The following SAMD3 variants were observed in gnomAD, a reference collection of about 807,000 sequenced individuals.
SAMD3 encodes the protein sterile alpha motif domain-containing protein 3.
A neutral mutation model predicts 58.5 loss-of-function variants in SAMD3; 63 were observed. That is an observed-to-expected ratio of 1.08 (90% CI 0.88 to 1.33). SAMD3 has a LOEUF of 1.33. Ranked by LOEUF, SAMD3 falls within the 40% of genes most tolerant of loss-of-function variation. The probability of loss-of-function intolerance (pLI) is 0.00; values close to 1 mark genes in which losing one functional copy is unlikely to be tolerated. For synonymous variants in SAMD3, 220 were observed against 210.3 expected (o/e 1.05, Z -0.40); for missense variants, 604 against 608.4 (o/e 0.99, Z 0.08).
At chr6:130,210,175 A>C (rs137969281) in intron 4 of SAMD3, among the ~76,000 whole-genome samples, 222 of 152,328 alleles carry the variant, frequency 1.5e-3, no homozygotes, top group African/African-American at 5.1e-3. Flanking sequence ...ATTTTCTACC[A>C]GTTTCAACAA....
At chr6:130,174,633 A>G (rs1315760969) in intron 8 of SAMD3, among the ~76,000 whole-genome samples, 2 of 152,228 alleles carry the variant, frequency 1.3e-5, no homozygotes, top group Non-Finnish European at 2.9e-5. Flanking sequence ...CCTCTCACAA[A>G]GTGATTTTTA....
At chr6:130,215,772 T>G in intron 2 of SAMD3, 1 of 1,520,922 alleles carries the variant, frequency 6.6e-7, no homozygotes, top group Non-Finnish European at 8.8e-7. Context: ...AGTAAACTGG[T>G]TAACCCCTTA....
upstream of SAMD3, chr6:130,365,493 C>A (rs912692341): frequency 3.0e-6 from 3 of 985,410 alleles, no homozygotes; most frequent in Non-Finnish European, 3.6e-6. Context: ...GCCCGCCGGG[C>A]GGCATCTGAG....
chr6:130,338,369 A>G (rs1466434086), intron 1 of SAMD3, among the ~76,000 whole-genome samples: 1 of 152,250 alleles, frequency 6.6e-6, no homozygotes, highest in Non-Finnish European at 1.5e-5. Flanking sequence ...TCACAGAGAA[A>G]TTCTGCTAGG....
intron 5 of SAMD3, among the ~76,000 whole-genome samples, chr6:130,193,303 G>A (rs553804372): frequency 6.6e-6 from 1 of 151,848 alleles, no homozygotes; most frequent in South Asian, 2.1e-4. Context: ...CCACTTTTCT[G>A]GGGGAGGGGC....
At chr6:130,152,549 C>T (rs1260903751) in intron 9 of SAMD3, among the ~76,000 whole-genome samples, 1 of 151,998 alleles carries the variant, frequency 6.6e-6, no homozygotes, top group Non-Finnish European at 1.5e-5. Context: ...TGGTGGCGTG[C>T]ATCCGTAGTC....
At chr6:130,305,316 T>C (rs753620383) in intron 2 of SAMD3, among the ~76,000 whole-genome samples, 1 of 152,320 alleles carries the variant, frequency 6.6e-6, no homozygotes, top group Non-Finnish European at 1.5e-5. Context: ...TTTTTCTATA[T>C]ATTCTGTGGG....
intron 9 of SAMD3, among the ~76,000 whole-genome samples, chr6:130,148,408 C>G (rs1788837979): frequency 6.6e-6 from 1 of 152,218 alleles, no homozygotes; most frequent in Non-Finnish European, 1.5e-5. Flanking sequence ...TTGGCATGTC[C>G]TTATTAGTGT....
chr6:130,248,476 G>A (rs957538241), intron 2 of SAMD3, among the ~76,000 whole-genome samples: 1 of 152,096 alleles, frequency 6.6e-6, no homozygotes, highest in Non-Finnish European at 1.5e-5. Flanking sequence ...CCCTAGAGGA[G>A]TCACCCTACT....
chr6:130,202,172 G>C (rs1215411675), intron 5 of SAMD3, among the ~76,000 whole-genome samples: 1 of 152,146 alleles, frequency 6.6e-6, no homozygotes, highest in Non-Finnish European at 1.5e-5. Flanking sequence ...TTTGGCTCTA[G>C]CTCAAAGCCA....
chr6:130,329,052 C>G (rs1468379840), intron 1 of SAMD3, among the ~76,000 whole-genome samples: 1 of 151,526 alleles, frequency 6.6e-6, no homozygotes, highest in Non-Finnish European at 1.5e-5. Context: ...CCCTCTCTCT[C>G]TCTCTCTCTC....
At chr6:130,360,520 G>T (rs138338866) in intron 1 of SAMD3, among the ~76,000 whole-genome samples, 1 of 152,198 alleles carries the variant, frequency 6.6e-6, no homozygotes, top group African/African-American at 2.4e-5. Context: ...ATAGGGTGTG[G>T]GTCACAAAGA....
At chr6:130,214,289 T>G in intron 4 of SAMD3, 48 bp downstream of exon 4, 1 of 1,450,678 alleles carries the variant, frequency 6.9e-7, no homozygotes, top group Non-Finnish European at 9.2e-7. Flanking sequence ...TAGCCATCAT[T>G]GGGAAAGCTT....
intron 5 of SAMD3, among the ~76,000 whole-genome samples, chr6:130,194,685 A>C (rs1237132587): frequency 2.0e-5 from 3 of 152,310 alleles, no homozygotes; most frequent in South Asian, 2.1e-4. Context: ...GCCGCGTCCC[A>C]TCTGTGCAGG....
chr6:130,200,836 T>C (rs543133237), intron 5 of SAMD3, among the ~76,000 whole-genome samples: 1 of 152,284 alleles, frequency 6.6e-6, no homozygotes, highest in East Asian at 1.9e-4. Flanking sequence ...AATGTTAATA[T>C]GGAAAAGAGT....
At chr6:130,200,261 T>G (rs950834023) in intron 5 of SAMD3, among the ~76,000 whole-genome samples, 1 of 151,866 alleles carries the variant, frequency 6.6e-6, no homozygotes, top group African/African-American at 2.4e-5. Context: ...TCTTTTCTTT[T>G]TTTCTTCCTC....
At chr6:130,280,519 C>T (rs1179420492) in intron 2 of SAMD3, among the ~76,000 whole-genome samples, 2 of 152,174 alleles carry the variant, frequency 1.3e-5, no homozygotes, top group African/African-American at 4.8e-5. Context: ...CAGGCATCTT[C>T]TATGTCTAGC....
intron 8 of SAMD3, among the ~76,000 whole-genome samples, chr6:130,157,263 A>G (rs1429059292): frequency 6.6e-6 from 1 of 152,006 alleles, no homozygotes; most frequent in Non-Finnish European, 1.5e-5. Flanking sequence ...TCCCTCTATG[A>G]TTAAAGAAAA....
At chr6:130,192,729 G>A (rs370482888) in intron 5 of SAMD3, among the ~76,000 whole-genome samples, 57 of 152,244 alleles carry the variant, frequency 3.7e-4, no homozygotes, top group Middle Eastern at 3.4e-3. Flanking sequence ...GCCGTGACTC[G>A]GATCGGGGAA....
Sources: allele counts gnomAD v4.1 joint callset (sites outside exome capture counted in the v4.1 genomes callset), GRCh38; gene constraint gnomAD v4.1.1; transcripts MANE v1.5; gene names NCBI Gene and HGNC (gene_info 2026-07-23, HGNC 2026-07-21).